The following PLD5 variants were observed in gnomAD, a reference collection of about 807,000 sequenced individuals.
PLD5 encodes inactive phospholipase D5.
PLD5 carries 36 observed loss-of-function variants against 61.1 expected under a neutral mutation model. The observed-to-expected ratio is 0.59, with a 90% CI of 0.45 to 0.78. The LOEUF (loss-of-function observed/expected upper bound fraction) is 0.78. PLD5 is among the 30% of genes least tolerant of loss of function. PLD5 has a pLI of 0.00. For synonymous variants in PLD5, 243 were observed against 242.8 expected (o/e 1.00, Z -0.01); for missense variants, 515 against 644.4 (o/e 0.80, Z 2.17).
At chr1:242,210,590 A>C (rs1302022554) in intron 5 of PLD5, 1 of 152,532 alleles carries the variant, frequency 6.6e-6, no homozygotes, top group African/African-American at 2.4e-5. Flanking sequence ...TCCTTGCCTT[A>C]AGTGATGGCA....
At chr1:242,450,271 G>T (rs192027807) in intron 1 of PLD5, among the ~76,000 whole-genome samples, 126 of 152,330 alleles carry the variant, frequency 8.3e-4, no homozygotes, top group African/African-American at 2.7e-3. Flanking sequence ...AACATCTGTT[G>T]ATTGCCAAAT....
At chr1:242,339,314 G>GAAACAAAC (rs367761914) in intron 2 of PLD5, among the ~76,000 whole-genome samples, 1 of 151,990 alleles carries the variant, frequency 6.6e-6, no homozygotes, top group Non-Finnish European at 1.5e-5. Context: ...TCTATTCAGG[G>GAAACAAAC]AAACAAACAA....
chr1:242,475,005 A>C (rs1345220632), intron 1 of PLD5, among the ~76,000 whole-genome samples: 5 of 152,230 alleles, frequency 3.3e-5, no homozygotes, highest in Admixed American at 2.6e-4. Context: ...TTATTCATGC[A>C]TCTCTCATGT....
chr1:242,327,069 G>A (rs1430522452), intron 2 of PLD5, among the ~76,000 whole-genome samples: 2 of 29,330 alleles, frequency 6.8e-5, no homozygotes, highest in East Asian at 4.2e-3. Context: ...GTTTCACCGT[G>A]TTAGCCAGGA....
chr1:242,370,559 A>T (rs1017639228), intron 1 of PLD5, among the ~76,000 whole-genome samples: 2 of 152,174 alleles, frequency 1.3e-5, no homozygotes, highest in Non-Finnish European at 2.9e-5. Context: ...GAAGAGTTCC[A>T]CTTGAGTAGA....
intron 6 of PLD5, 63 bp from the exon 7 acceptor site, chr1:242,114,089 T>A: frequency 6.4e-7 from 1 of 1,557,898 alleles, no homozygotes; most frequent in South Asian, 1.2e-5. Context: ...GATTTATTTA[T>A]TTCCTTTGTT....
intron 1 of PLD5, among the ~76,000 whole-genome samples, chr1:242,379,966 G>A (rs1024017004): frequency 2.5e-4 from 38 of 152,130 alleles, no homozygotes; most frequent in African/African-American, 8.7e-4. Flanking sequence ...GTATTAATAA[G>A]ATTATACAAC....
At chr1:242,234,727 A>G (rs1574576704) in intron 4 of PLD5, among the ~76,000 whole-genome samples, 2 of 152,104 alleles carry the variant, frequency 1.3e-5, no homozygotes. Context: ...GGCACCAGAC[A>G]TGCTCTGATC....
chr1:242,256,982 C>A lies in PLD5; in HGVS notation c.607+8355G>T, dbSNP rs181960862. Among the ~76,000 whole-genome samples, 1 of 151,724 alleles carries A rather than the reference C, an allele frequency of 6.6e-6. No homozygotes were observed. The highest frequency in any genetic ancestry group is 1.9e-4 in the East Asian group (1 of 5,146). On this transcript the variant is annotated intron_variant, in intron 4 of 9. Transcript: ENST00000536534. This position sits in a 1 kb window ranked among gnomAD's most constrained non-coding sequence, Gnocchi z 5.7. ...TATCTATATCTATCTACCTACCTAC[C>A]TACCTTCTTTCTATCATCTATCTAT... is the stretch of plus-strand genomic sequence containing the variant.
At chr1:242,295,370 C>T (rs1443321231) in intron 2 of PLD5, among the ~76,000 whole-genome samples, 2 of 152,184 alleles carry the variant, frequency 1.3e-5, no homozygotes, top group East Asian at 1.9e-4. Flanking sequence ...TTAGCTCTCA[C>T]GTGTAAGTGA....
intron 2 of PLD5, among the ~76,000 whole-genome samples, chr1:242,326,696 A>G (rs1658808357): frequency 1.3e-5 from 2 of 151,752 alleles, no homozygotes; most frequent in South Asian, 4.2e-4. Flanking sequence ...TCTTTTATAT[A>G]AGTTTTTTTG....
At chr1:242,254,036 A>T (rs1031709689) in intron 4 of PLD5, among the ~76,000 whole-genome samples, 1 of 152,224 alleles carries the variant, frequency 6.6e-6, no homozygotes, top group Non-Finnish European at 1.5e-5. Context: ...GCACAACCAT[A>T]CAGGCAAACA....
chr1:242,269,840 G>A (rs923923570), intron 3 of PLD5, among the ~76,000 whole-genome samples: 23 of 151,714 alleles, frequency 1.5e-4, no homozygotes, highest in African/African-American at 5.6e-4. Context: ...CGCAATTAGA[G>A]AAAGGTTAAA....
At chr1:242,289,780 C>A (rs1236425766) in intron 2 of PLD5, among the ~76,000 whole-genome samples, 1 of 152,190 alleles carries the variant, frequency 6.6e-6, no homozygotes, top group Non-Finnish European at 1.5e-5. Flanking sequence ...AAAATACTTA[C>A]AGAATAAATT....
At chr1:242,522,657 A>T (rs890095115) in intron 1 of PLD5, among the ~76,000 whole-genome samples, 1 of 152,226 alleles carries the variant, frequency 6.6e-6, no homozygotes. Context: ...GGTTGATTAC[A>T]TGCTCTTTGC....
rs117353956 is a variant in PLD5, at chr1:242,102,302, T to C, written c.1240-1520A>G. On this transcript the variant is annotated intron_variant, in intron 8 of 9. Coordinates refer to ENST00000536534, the MANE Select transcript of PLD5 (RefSeq NM_001372062.1). ...AGGATAGAGTCACAGCTTGAGGCTTTAGTAAAAACCCATTTGCTCTAGAAA... is the reference window on the plus strand; with the variant it reads ...AGGATAGAGTCACAGCTTGAGGCTTCAGTAAAAACCCATTTGCTCTAGAAA... 9.7e-4 allele frequency among the ~76,000 whole-genome samples: 147 copies of C among 152,312 alleles called. 2 individuals carry two copies. In the East Asian group the frequency reaches 0.024, roughly 24 times the overall value.
chr1:242,515,123 C>T (rs1045306448), intron 1 of PLD5, among the ~76,000 whole-genome samples: 3 of 152,184 alleles, frequency 2.0e-5, no homozygotes, highest in African/African-American at 7.2e-5. Flanking sequence ...AAGCCTCCTT[C>T]GTGCCCATTT....
At chr1:242,431,150 G>A (rs2580227) in intron 1 of PLD5, among the ~76,000 whole-genome samples, 51,574 of 152,018 alleles carry the variant, frequency 0.34, 9,129 homozygotes, top group Middle Eastern at 0.47. Flanking sequence ...ACGCTGTTGC[G>A]TAACCATCAC....
chr1:242,505,812 G>T lies in PLD5; in HGVS notation c.189+18276C>A, dbSNP rs560698289. ...CATGTCCACATCCACAGACCAACCA[G>T]CCTGCTGGGGAATCATTACCTCCTT... is the stretch of plus-strand genomic sequence containing the variant. On this transcript the variant is annotated intron_variant, in intron 1 of 9. Transcript: ENST00000536534. 3.9e-5 allele frequency among the ~76,000 whole-genome samples: 6 copies of T among 152,318 alleles called. No homozygotes were observed. In the East Asian group the frequency reaches 5.8e-4, roughly 15 times the overall value.
Sources: allele counts gnomAD v4.1 joint callset (sites outside exome capture counted in the v4.1 genomes callset), GRCh38; gene constraint gnomAD v4.1.1; non-coding constraint Gnocchi (gnomAD v3.1); transcripts MANE v1.5; gene names NCBI Gene and HGNC (gene_info 2026-07-23, HGNC 2026-07-21).